Variants in CHST9 observed in about 807,000 individuals in gnomAD.
CHST9 encodes carbohydrate sulfotransferase 9.
A neutral mutation model predicts 44.4 loss-of-function variants in CHST9; 41 were observed. The ratio of observed to expected loss-of-function variants is 0.92; its 90% confidence interval spans 0.72 to 1.20. CHST9 has a LOEUF of 1.20. Among genes scored for constraint, CHST9 ranks in the 50% most tolerant of loss-of-function variants. The probability of loss-of-function intolerance (pLI) is 0.00; values close to 1 mark genes in which losing one functional copy is unlikely to be tolerated. For synonymous variants in CHST9, 171 were observed against 178.4 expected (o/e 0.96, Z 0.33); for missense variants, 504 against 516.5 (o/e 0.98, Z 0.23).
chr18:27,146,429 T>C (rs2058612847), intron 1 of CHST9, among the ~76,000 whole-genome samples: 1 of 151,930 alleles, frequency 6.6e-6, no homozygotes, highest in African/African-American at 2.4e-5. Context: ...AAAGGTGAGG[T>C]GGTAGGAGCA....
chr18:26,911,223 A>C lies in CHST9; in HGVS notation c.*5036T>G, dbSNP rs777175769. On this transcript the variant is annotated 3_prime_UTR_variant, in exon 6 of 6. Transcript: ENST00000618847. ...CAACAGCATCAAAAGCATCTGTTAA[A>C]GTAACGCTTTCCACTGAGTGCCTTG... The C allele has an allele frequency of 2.6e-5, 4 of 152,266 alleles. No individual in the cohort carries two copies. The highest frequency in any genetic ancestry group is 5.9e-5 in the Non-Finnish European group (4 of 68,044). The allele number at this position is 152,266 out of a possible 1,614,324, so 9.4% of individuals were successfully genotyped here.
intron 2 of CHST9, among the ~76,000 whole-genome samples, chr18:27,101,407 C>A (rs2058170033): frequency 6.7e-6 from 1 of 148,628 alleles, no homozygotes; most frequent in South Asian, 2.2e-4. Context: ...CTGGCTAACA[C>A]GGTGAAACCC....
chr18:26,988,877 A>G (rs1482811097), intron 4 of CHST9, among the ~76,000 whole-genome samples: 1 of 152,170 alleles, frequency 6.6e-6, no homozygotes, highest in Non-Finnish European at 1.5e-5. Context: ...GAAATCAATA[A>G]TGTGAAAATC....
At chr18:26,999,689 T>C (rs980468389) in intron 4 of CHST9, among the ~76,000 whole-genome samples, 49 of 152,188 alleles carry the variant, frequency 3.2e-4, no homozygotes, top group African/African-American at 1.2e-3. Flanking sequence ...GAGAAAGTTA[T>C]ATTTTTCTCT....
chr18:27,008,764 C>T (rs923694111), intron 4 of CHST9, among the ~76,000 whole-genome samples: 2 of 152,118 alleles, frequency 1.3e-5, no homozygotes, highest in Non-Finnish European at 2.9e-5. Context: ...CCTTTAGCAC[C>T]TGCCACAGTG....
chr18:27,003,764 G>A (rs930102343), intron 4 of CHST9, among the ~76,000 whole-genome samples: 2 of 152,080 alleles, frequency 1.3e-5, no homozygotes, highest in African/African-American at 4.8e-5. Context: ...AAGCTTTTGG[G>A]AGTTTTTTTG....
chr18:27,159,038 A>C (rs2058722971), intron 1 of CHST9, among the ~76,000 whole-genome samples: 1 of 152,004 alleles, frequency 6.6e-6, no homozygotes, highest in South Asian at 2.1e-4. Flanking sequence ...GATTGCAAAA[A>C]TTTTCTCCCA....
At chr18:27,026,507 C>T (rs1033746748) in intron 3 of CHST9, among the ~76,000 whole-genome samples, 1 of 152,034 alleles carries the variant, frequency 6.6e-6, no homozygotes, top group Non-Finnish European at 1.5e-5. Flanking sequence ...GAAAAGTATC[C>T]TCTCCCACAT....
Position 27,185,281 on chromosome 18 carries a change from G to C in CHST9, c.-242C>G, listed in dbSNP as rs556214917. 3 of 151,774 alleles carry C rather than the reference G, an allele frequency of 2.0e-5. No individual in the cohort carries two copies. The highest frequency in any genetic ancestry group is 2.1e-4 in the South Asian group (1 of 4,846). The allele number at this position is 151,774 out of a possible 1,614,324, so 9.4% of individuals were successfully genotyped here. On this transcript the variant is annotated 5_prime_UTR_variant, in exon 1 of 6. Coordinates refer to ENST00000618847, the MANE Select transcript of CHST9 (RefSeq NM_031422.6). The stretch of plus-strand genomic sequence containing the variant: ...GAGCGGAGCGCCGCGCCGGGAGCGG[G>C]GACAGCTCGGAGTCGGGCGCTCACC...
chr18:27,052,283 T>A (rs2057577161), intron 2 of CHST9, among the ~76,000 whole-genome samples: 2 of 69,842 alleles, frequency 2.9e-5, no homozygotes, highest in South Asian at 5.7e-4. Context: ...TATATGTATA[T>A]ATATGTGTGT....
At chr18:27,043,243 C>A (rs2057464924) in intron 3 of CHST9, among the ~76,000 whole-genome samples, 1 of 152,022 alleles carries the variant, frequency 6.6e-6, no homozygotes, top group South Asian at 2.1e-4. Flanking sequence ...GGAGCTCATT[C>A]ATATCCAGGG....
chr18:27,164,489 A>G (rs1010843222), intron 1 of CHST9, among the ~76,000 whole-genome samples: 3 of 152,160 alleles, frequency 2.0e-5, no homozygotes, highest in African/African-American at 7.2e-5. Context: ...GAGATTCAAC[A>G]TCTAAGTAAT....
intron 4 of CHST9, among the ~76,000 whole-genome samples, chr18:27,006,444 A>G (rs1487364549): frequency 6.6e-6 from 1 of 152,182 alleles, no homozygotes; most frequent in Non-Finnish European, 1.5e-5. Context: ...TGAATCTATA[A>G]TAGTTTTCCC....
At chr18:27,034,626 T>G (rs935352275) in intron 3 of CHST9, among the ~76,000 whole-genome samples, 2 of 152,234 alleles carry the variant, frequency 1.3e-5, no homozygotes, top group African/African-American at 4.8e-5. Flanking sequence ...GTCAACTTTC[T>G]TTCTTCTTCC....
In CHST9 at chr18:27,114,297, T is replaced by C. The variant is rs2058300783; in HGVS notation, c.121+28392A>G. Among the ~76,000 whole-genome samples, 3 of 152,210 alleles carry C rather than the reference T, an allele frequency of 2.0e-5. No homozygotes were observed. The South Asian group carries it at 6.2e-4, about 31-fold the overall frequency. ...TTCTATCCCAAAACAGAACTGTACT[T>C]TATATAGACGAGATGGTTGTCTGTC... is the stretch of plus-strand genomic sequence containing the variant. On this transcript the variant is annotated intron_variant, in intron 2 of 5. Coordinates refer to ENST00000618847, the MANE Select transcript of CHST9 (RefSeq NM_031422.6).
chr18:27,057,530 A>G (rs562813195), intron 2 of CHST9, among the ~76,000 whole-genome samples: 8 of 152,376 alleles, frequency 5.3e-5, no homozygotes, highest in African/African-American at 1.9e-4. Context: ...GATAAACTCC[A>G]CTTGCTCCTG....
At chr18:26,961,160 T>C (rs1027939874) in intron 4 of CHST9, among the ~76,000 whole-genome samples, 1 of 152,192 alleles carries the variant, frequency 6.6e-6, no homozygotes, top group African/African-American at 2.4e-5. Flanking sequence ...CCTACATCAT[T>C]TCCTTTCTGG....
intron 2 of CHST9, among the ~76,000 whole-genome samples, chr18:27,126,677 T>G: frequency 6.6e-6 from 1 of 151,506 alleles, no homozygotes; most frequent in African/African-American, 2.4e-5. Context: ...ATAGCCTGAG[T>G]ATGGAGTTGA....
At chr18:27,076,605 T>C (rs997554205) in intron 2 of CHST9, among the ~76,000 whole-genome samples, 2 of 152,178 alleles carry the variant, frequency 1.3e-5, no homozygotes, top group African/African-American at 2.4e-5. Flanking sequence ...TAGGTTTTCA[T>C]TAGTGTATAC....
Sources: allele counts gnomAD v4.1 joint callset (sites outside exome capture counted in the v4.1 genomes callset), GRCh38; gene constraint gnomAD v4.1.1; transcripts MANE v1.5; gene names NCBI Gene and HGNC (gene_info 2026-07-23, HGNC 2026-07-21).